The following FGF14 variants were observed in gnomAD, a reference collection of about 807,000 sequenced individuals.
FGF14 encodes fibroblast growth factor 14, also known as fibroblast growth factor homologous factor 4.
FGF14 carries 5 observed loss-of-function variants against 25.5 expected under a neutral mutation model. That is an observed-to-expected ratio of 0.20 (90% CI 0.10 to 0.41). The LOEUF (loss-of-function observed/expected upper bound fraction) is 0.41. FGF14 is among the 10% of genes least tolerant of loss of function. The pLI is 1.00. For missense variants in FGF14, 222 were observed against 320.1 expected (o/e 0.69, Z 2.34); for synonymous variants, 138 against 118.3 (o/e 1.17, Z -1.08).
intron 1 of FGF14, among the ~76,000 whole-genome samples, chr13:102,019,846 C>T (rs190815320): frequency 6.2e-4 from 94 of 152,172 alleles, no homozygotes; most frequent in African/African-American, 2.1e-3. Flanking sequence ...GAATTGGACT[C>T]GTATTGTTGC....
intron 1 of FGF14, among the ~76,000 whole-genome samples, chr13:102,154,685 A>G (rs1380259083): frequency 6.6e-6 from 1 of 152,224 alleles, no homozygotes; most frequent in East Asian, 1.9e-4. Flanking sequence ...TTAAACGTAA[A>G]TGGGCTAAAT....
At chr13:101,872,343 A>G (rs2045145275) in intron 2 of FGF14, among the ~76,000 whole-genome samples, 3 of 151,290 alleles carry the variant, frequency 2.0e-5, no homozygotes, top group Admixed American at 6.6e-5. Context: ...TCCATTTTTT[A>G]TAACTCCCTG....
intron 1 of FGF14, among the ~76,000 whole-genome samples, chr13:102,086,568 C>G (rs2043918577): frequency 5.9e-5 from 9 of 152,086 alleles, no homozygotes; most frequent in Admixed American, 5.2e-4. Flanking sequence ...TTTATCAAAG[C>G]CTTTCATTTT....
intron 3 of FGF14, among the ~76,000 whole-genome samples, chr13:101,727,676 A>G (rs2035532513): frequency 6.6e-6 from 1 of 152,158 alleles, no homozygotes; most frequent in South Asian, 2.1e-4. Flanking sequence ...ATATAATCCC[A>G]TGCCAAATAA....
At chr13:102,160,050 C>G (rs1008132185) in intron 1 of FGF14, among the ~76,000 whole-genome samples, 1 of 152,160 alleles carries the variant, frequency 6.6e-6, no homozygotes, top group Non-Finnish European at 1.5e-5. Context: ...AGGCTGTCTC[C>G]TCTCTGCACG....
chr13:102,242,141 T>C (rs1288732155), intron 1 of FGF14, among the ~76,000 whole-genome samples: 1 of 152,040 alleles, frequency 6.6e-6, no homozygotes, highest in African/African-American at 2.4e-5. Context: ...ACATGTAAAA[T>C]ATTTGTAAAC....
At chr13:102,047,629 C>G (rs145835437) in intron 1 of FGF14, among the ~76,000 whole-genome samples, 1 of 150,080 alleles carries the variant, frequency 6.7e-6, no homozygotes. Context: ...AATTGAACAA[C>G]GAGAACACAT....
chr13:102,247,799 T>C (rs956038943), intron 1 of FGF14, among the ~76,000 whole-genome samples: 1 of 152,122 alleles, frequency 6.6e-6, no homozygotes, highest in African/African-American at 2.4e-5. Context: ...CATATGTTAA[T>C]TGCGGCACTA....
chr13:102,268,044 G>A (rs2053075123), intron 1 of FGF14, among the ~76,000 whole-genome samples: 1 of 151,964 alleles, frequency 6.6e-6, no homozygotes, highest in African/African-American at 2.4e-5. Flanking sequence ...ATCAGAATAG[G>A]ACCACACACA....
At chr13:102,319,433 G>C (rs1410061655) in intron 1 of FGF14, among the ~76,000 whole-genome samples, 5 of 152,168 alleles carry the variant, frequency 3.3e-5, no homozygotes, top group Non-Finnish European at 5.9e-5. Context: ...TCCTGTAAGT[G>C]CCAAGCCTCC....
At chr13:102,017,808 C>CT (rs2040425067) in intron 1 of FGF14, among the ~76,000 whole-genome samples, 1 of 152,010 alleles carries the variant, frequency 6.6e-6, no homozygotes, top group South Asian at 2.1e-4. Context: ...TATTAATTAT[C>CT]TTTTTGGTCG....
chr13:101,890,121 C>A (rs1016729355), intron 1 of FGF14, among the ~76,000 whole-genome samples: 1 of 152,114 alleles, frequency 6.6e-6, no homozygotes, highest in African/African-American at 2.4e-5. Context: ...AAAGACATAG[C>A]TCCTTTAGAC....
At chr13:101,932,205 G>T (rs1003128515) in intron 1 of FGF14, among the ~76,000 whole-genome samples, 10 of 152,126 alleles carry the variant, frequency 6.6e-5, no homozygotes, top group Non-Finnish European at 1.5e-4. Context: ...CACAGGAAAA[G>T]GTGTATGGCG....
At position 101,735,212 on chromosome 13, in the gene FGF14, A is replaced by G. The variant is rs1179173958; in HGVS notation, c.409-8402T>C. Among the ~76,000 whole-genome samples the G allele has an allele frequency of 2.6e-5, 4 of 152,324 alleles. No individual in the cohort carries two copies. The East Asian group carries it at 7.7e-4, about 29-fold the overall frequency. On this transcript the variant is annotated intron_variant, in intron 3 of 4. Transcript: ENST00000376143. ...AGGCCCACTTGGTCTTAGTTTCACA[A>G]GCAATATGCATACGCTTATTGTTTT...
chr13:101,905,793 T>A (rs1301565781), intron 1 of FGF14, among the ~76,000 whole-genome samples: 1 of 152,174 alleles, frequency 6.6e-6, no homozygotes, highest in Non-Finnish European at 1.5e-5. Flanking sequence ...CACTAGAGTA[T>A]AATGCTGACT....
intron 1 of FGF14, among the ~76,000 whole-genome samples, chr13:102,184,722 C>T (rs1003414172): frequency 1.3e-4 from 19 of 148,054 alleles, no homozygotes; most frequent in Admixed American, 2.0e-4. Context: ...GTGAAATACA[C>T]GCACTCTGAT....
intron 1 of FGF14, among the ~76,000 whole-genome samples, chr13:102,127,640 T>C (rs2140394557): frequency 6.6e-6 from 1 of 152,358 alleles, no homozygotes; most frequent in Non-Finnish European, 1.5e-5. Context: ...TTTTTATGTC[T>C]TAATGTTCTA....
At chr13:101,905,449 A>G (rs2032119487) in intron 1 of FGF14, among the ~76,000 whole-genome samples, 1 of 152,154 alleles carries the variant, frequency 6.6e-6, no homozygotes, top group Non-Finnish European at 1.5e-5. Context: ...AACTAACACA[A>G]GAATAGAAAA....
intron 1 of FGF14, among the ~76,000 whole-genome samples, chr13:101,900,583 A>G (rs1422090530): frequency 1.3e-5 from 2 of 152,184 alleles, no homozygotes; most frequent in African/African-American, 4.8e-5. Flanking sequence ...AATAAAGTAC[A>G]TGCTGCATAA....
Sources: allele counts gnomAD v4.1 joint callset (sites outside exome capture counted in the v4.1 genomes callset), GRCh38; gene constraint gnomAD v4.1.1; transcripts MANE v1.5; gene names NCBI Gene and HGNC (gene_info 2026-07-23, HGNC 2026-07-21).